Variants in ARNT2 observed in about 807,000 individuals in gnomAD.
ARNT2 encodes aryl hydrocarbon receptor nuclear translocator 2, also known as ARNT protein 2.
ARNT2 carries 36 observed loss-of-function variants against 91.7 expected under a neutral mutation model. The observed-to-expected ratio is 0.39, with a 90% CI of 0.30 to 0.52. The LOEUF (loss-of-function observed/expected upper bound fraction) is 0.52, where lower values mean the gene tolerates loss of function less well. Ranked by LOEUF, ARNT2 falls within the 20% of genes least tolerant of loss-of-function variation. The probability of loss-of-function intolerance (pLI) is 0.72; values close to 1 mark genes in which losing one functional copy is unlikely to be tolerated. For synonymous variants in ARNT2, 365 were observed against 347.1 expected, an observed-to-expected ratio of 1.05 and a Z score of -0.57; for missense variants, 775 against 939.3, an observed-to-expected ratio of 0.83 and a Z score of 2.29.
chr15:80,482,529 G>C (rs1037337887), intron 5 of ARNT2, among the ~76,000 whole-genome samples: 1 of 152,188 alleles, frequency 6.6e-6, no homozygotes, highest in African/African-American at 2.4e-5. Context: ...CTACAAAGTA[G>C]AGCTCGTAGT....
intron 12 of ARNT2, among the ~76,000 whole-genome samples, chr15:80,566,095 C>T (rs1898475738): frequency 6.6e-6 from 1 of 152,122 alleles, no homozygotes; most frequent in African/African-American, 2.4e-5. Context: ...CAGAGTCGGC[C>T]CCGGTAAAAG....
At chr15:80,586,122 G>A (rs1183815758) in intron 17 of ARNT2, among the ~76,000 whole-genome samples, 1 of 152,016 alleles carries the variant, frequency 6.6e-6, no homozygotes, top group Non-Finnish European at 1.5e-5. Context: ...ATATTACCTT[G>A]TTTCTTGGAG....
intron 1 of ARNT2, among the ~76,000 whole-genome samples, chr15:80,419,773 A>G (rs895127411): frequency 1.3e-5 from 2 of 152,216 alleles, no homozygotes; most frequent in African/African-American, 4.8e-5. Context: ...CTGAACAGAC[A>G]CCATGCCGGT....
rs147196402 is a variant in ARNT2 at position 80,487,138 on chromosome 15, C to T, written c.622+11915C>T. 4.7e-4 allele frequency among the ~76,000 whole-genome samples: 72 copies of T among 152,266 alleles called. 1 individual carries two copies. The highest frequency in any genetic ancestry group is 1.6e-3 in the African/African-American group (66 of 41,560). On this transcript the variant is annotated intron_variant, in intron 5 of 18. Coordinates refer to ENST00000303329, the MANE Select transcript of ARNT2 (RefSeq NM_014862.4). ...AGGCAGTTGAATTCCTCCAGGCTGCCCCTTGCTGTACTTCTCCCTGCTTCT... is the reference window on the plus strand; with the variant it reads ...AGGCAGTTGAATTCCTCCAGGCTGCTCCTTGCTGTACTTCTCCCTGCTTCT...
chr15:80,435,900 G>A (rs1040873665), intron 1 of ARNT2, among the ~76,000 whole-genome samples: 2 of 152,098 alleles, frequency 1.3e-5, no homozygotes, highest in Non-Finnish European at 2.9e-5. Flanking sequence ...GGAAAAAAAT[G>A]TGTTGAATGG....
At chr15:80,481,407 A>G (rs1008595035) in intron 5 of ARNT2, among the ~76,000 whole-genome samples, 2 of 152,092 alleles carry the variant, frequency 1.3e-5, no homozygotes. Flanking sequence ...TGTTGCATTT[A>G]TTCTTCTCAT....
At chr15:80,518,779 G>A (rs999244881) in intron 8 of ARNT2, among the ~76,000 whole-genome samples, 8 of 152,170 alleles carry the variant, frequency 5.3e-5, no homozygotes, top group African/African-American at 1.9e-4. Flanking sequence ...GAAGGATAGA[G>A]TTGGGCTGGA....
At chr15:80,534,425 A>G (rs575606801) in intron 8 of ARNT2, among the ~76,000 whole-genome samples, 4 of 152,314 alleles carry the variant, frequency 2.6e-5, no homozygotes, top group African/African-American at 9.6e-5. Context: ...ATTACTTGTA[A>G]ACTGAACTTG....
At chr15:80,580,291 C>G (rs1450109426) in intron 15 of ARNT2, 120 bp from the exon 16 acceptor site, 2 of 1,264,346 alleles carry the variant, frequency 1.6e-6, no homozygotes, top group African/African-American at 1.5e-5. Flanking sequence ...TCTCTAGTGA[C>G]GTGCTGCATG....
intron 5 of ARNT2, among the ~76,000 whole-genome samples, chr15:80,496,616 G>A (rs1897129110): frequency 2.0e-5 from 3 of 152,202 alleles, no homozygotes; most frequent in African/African-American, 7.2e-5. Flanking sequence ...CCAGGAAAGA[G>A]GAGACGTATT....
At chr15:80,420,128 C>G (rs907679728) in intron 1 of ARNT2, among the ~76,000 whole-genome samples, 1 of 152,132 alleles carries the variant, frequency 6.6e-6, no homozygotes, top group Non-Finnish European at 1.5e-5. Context: ...TTTAACTCCT[C>G]TTCTATCAGC....
chr15:80,592,785 G>A (rs1300950405), intron 18 of ARNT2, among the ~76,000 whole-genome samples: 1 of 152,210 alleles, frequency 6.6e-6, no homozygotes, highest in East Asian at 1.9e-4. Context: ...ACCCTGTAAG[G>A]CAGAATTTCC....
chr15:80,460,825 A>G (rs1896541787), intron 3 of ARNT2, among the ~76,000 whole-genome samples: 1 of 152,174 alleles, frequency 6.6e-6, no homozygotes, highest in South Asian at 2.1e-4. Context: ...GAGGAGGAGA[A>G]GTAATGGGGA....
At chr15:80,528,624 C>T (rs1277739001) in intron 8 of ARNT2, among the ~76,000 whole-genome samples, 1 of 151,992 alleles carries the variant, frequency 6.6e-6, no homozygotes, top group Non-Finnish European at 1.5e-5. Context: ...ATATTAATAC[C>T]CTCCCTGGTG....
Position 80,591,719 on chromosome 15 carries a change from C to A in ARNT2, c.2055+15C>A, listed in dbSNP as rs747073512. ...AAGTGTTCCAGGTAAATCGAGCGAGCACCGCCTTCTCGTAGGTACCGGCGC... is the reference window on the plus strand; with the variant it reads ...AAGTGTTCCAGGTAAATCGAGCGAGAACCGCCTTCTCGTAGGTACCGGCGC... On this transcript the variant is annotated intron_variant, in intron 18 of 18. Transcript: ENST00000303329. This position sits in a 1 kb window ranked among gnomAD's most constrained non-coding sequence, Gnocchi z 5.1. 6.2e-7 allele frequency: 1 copy of A among 1,613,552 alleles called. No individual in the cohort carries two copies. Among genetic ancestry groups the A allele is most frequent in the African/African-American group, 1.3e-5 (1 of 74,922 alleles).
At chr15:80,427,674 T>G (rs1038031552) in intron 1 of ARNT2, among the ~76,000 whole-genome samples, 1 of 152,222 alleles carries the variant, frequency 6.6e-6, no homozygotes, top group African/African-American at 2.4e-5. Flanking sequence ...GGGTCATTTA[T>G]TTTAACCCTG....
intron 5 of ARNT2, among the ~76,000 whole-genome samples, chr15:80,499,596 G>A (rs907823121): frequency 2.0e-5 from 3 of 152,190 alleles, no homozygotes; most frequent in Non-Finnish European, 4.4e-5. Context: ...AAAGAGCCAT[G>A]CTCAGATTCT....
intron 12 of ARNT2, among the ~76,000 whole-genome samples, chr15:80,564,457 T>C (rs1336008397): frequency 6.6e-6 from 1 of 151,862 alleles, no homozygotes; most frequent in Non-Finnish European, 1.5e-5. Flanking sequence ...TCTGCCCTGC[T>C]CCTGGGCCAG....
intron 9 of ARNT2, among the ~76,000 whole-genome samples, chr15:80,551,687 C>A (rs529046644): frequency 6.6e-6 from 1 of 152,308 alleles, no homozygotes; most frequent in Non-Finnish European, 1.5e-5. Flanking sequence ...CTATAAACCC[C>A]CACCTCTACG....
Sources: allele counts gnomAD v4.1 joint callset (sites outside exome capture counted in the v4.1 genomes callset), GRCh38; gene constraint gnomAD v4.1.1; non-coding constraint Gnocchi (gnomAD v3.1); transcripts MANE v1.5; gene names NCBI Gene and HGNC (gene_info 2026-07-23, HGNC 2026-07-21).